IL1RAPL1: variants seen among roughly 807,000 people sequenced by gnomAD.
IL1RAPL1 encodes interleukin-1 receptor accessory protein-like 1.
IL1RAPL1 carries 3 observed loss-of-function variants against 48.4 expected under a neutral mutation model. That is an observed-to-expected ratio of 0.06 (90% CI 0.03 to 0.16). The LOEUF is 0.16. Among genes scored for constraint, IL1RAPL1 ranks in the 10% least tolerant of loss-of-function variants. The pLI, the probability that IL1RAPL1 is intolerant of heterozygous loss-of-function variation, is 1.00. For missense variants in IL1RAPL1, 349 were observed against 530.6 expected (o/e 0.66, Z 3.36); for synonymous variants, 185 against 187.7 (o/e 0.99, Z 0.12).
intron 5 of IL1RAPL1, among the ~76,000 whole-genome samples, chrX:29,645,634 A>C (rs995882210): frequency 1.8e-5 from 2 of 111,738 alleles, no homozygotes; most frequent in Non-Finnish European, 3.8e-5. Flanking sequence ...CATTGTGGCC[A>C]GCTGACTACA....
At chrX:29,865,751 C>T (rs1222217854) in intron 6 of IL1RAPL1, among the ~76,000 whole-genome samples, 1 of 105,242 alleles carries the variant, frequency 9.5e-6, no homozygotes, top group African/African-American at 3.5e-5. Context: ...ATTCTCCTGC[C>T]TCAGCCTCTT....
chrX:29,631,307 G>A (rs958068753), intron 5 of IL1RAPL1, among the ~76,000 whole-genome samples: 7 of 111,564 alleles, frequency 6.3e-5, no homozygotes, highest in African/African-American at 2.3e-4. Context: ...GTTTCACTCT[G>A]TCACCCAGAC....
At chrX:28,896,460 G>A (rs1013782839) in intron 2 of IL1RAPL1, among the ~76,000 whole-genome samples, 2 of 111,593 alleles carry the variant, frequency 1.8e-5, no homozygotes, top group East Asian at 2.8e-4. Context: ...AACTGATTTG[G>A]GAGAGGTCGG....
chrX:29,680,029 G>A (rs1926403365), intron 6 of IL1RAPL1, among the ~76,000 whole-genome samples: 1 of 111,763 alleles, frequency 8.9e-6, no homozygotes, highest in Admixed American at 9.5e-5. Flanking sequence ...CAAATAGATG[G>A]CTCTTTCAAG....
chrX:29,917,231 G>A (rs763994653), intron 6 of IL1RAPL1, among the ~76,000 whole-genome samples: 1 of 112,199 alleles, frequency 8.9e-6, no homozygotes, highest in African/African-American at 3.2e-5. Flanking sequence ...TACAATAGCC[G>A]ACCAGTCCTC....
intron 2 of IL1RAPL1, among the ~76,000 whole-genome samples, chrX:29,159,788 G>A (rs760745543): frequency 6.3e-5 from 7 of 111,285 alleles, no homozygotes; most frequent in African/African-American, 9.8e-5. Flanking sequence ...GTGCAATGGC[G>A]CGATCCTCTG....
intron 2 of IL1RAPL1, among the ~76,000 whole-genome samples, chrX:28,901,882 C>G (rs1923083717): frequency 9.0e-6 from 1 of 111,638 alleles, no homozygotes; most frequent in African/African-American, 3.3e-5. Context: ...CAGGAATTTC[C>G]TTCATCTAAC....
intron 2 of IL1RAPL1, among the ~76,000 whole-genome samples, chrX:29,226,444 CTTTTTTT>C (rs57929074): frequency 2.1e-4 from 18 of 86,891 alleles, no homozygotes; most frequent in Non-Finnish European, 4.0e-4. Context: ...TTCTTTCTTT[CTTTTTTT>C]TTTTTTTTTT....
At chrX:29,422,369 T>TCAGCATG (rs1934300962) in intron 5 of IL1RAPL1, among the ~76,000 whole-genome samples, 4 of 111,224 alleles carry the variant, frequency 3.6e-5, no homozygotes, top group African/African-American at 1.3e-4. Context: ...GAGACTGCTT[T>TCAGCATG]TTCAGTTCAG....
At chrX:29,149,377 A>G (rs1190049751) in intron 2 of IL1RAPL1, among the ~76,000 whole-genome samples, 5 of 111,365 alleles carry the variant, frequency 4.5e-5, no homozygotes, top group African/African-American at 1.3e-4. Flanking sequence ...CAGGTGTCCA[A>G]TGACCTACCA....
chrX:28,655,118 A>G (rs1253132427), intron 1 of IL1RAPL1, among the ~76,000 whole-genome samples: 2 of 111,476 alleles, frequency 1.8e-5, no homozygotes, highest in Non-Finnish European at 3.8e-5. Flanking sequence ...CTTGGTCTAC[A>G]TGAAATGAAG....
intron 6 of IL1RAPL1, among the ~76,000 whole-genome samples, chrX:29,688,754 C>CTCTCTCTCTG (rs58405949): frequency 0.01 from 1,088 of 103,842 alleles, 26 homozygotes; most frequent in African/African-American, 0.039. Flanking sequence ...CTCTCTCTCT[C>CTCTCTCTCTG]TGTGTGTGTC....
chrX:28,894,840 G>A (rs967302450), intron 2 of IL1RAPL1, among the ~76,000 whole-genome samples: 1 of 111,259 alleles, frequency 9.0e-6, no homozygotes, highest in African/African-American at 3.3e-5. Context: ...GAGTTGTTTT[G>A]TAGAAGGGAT....
At chrX:29,416,997 T>G (rs1934225478) in intron 5 of IL1RAPL1, among the ~76,000 whole-genome samples, 1 of 111,739 alleles carries the variant, frequency 8.9e-6, no homozygotes, top group East Asian at 2.8e-4. Flanking sequence ...AAACATTAGG[T>G]TTTGATATGA....
Position 28,798,342 on chromosome X carries a change from A to C in IL1RAPL1, c.82+8917A>C, listed in dbSNP as rs1417146023. Among the ~76,000 whole-genome samples, 5 of 111,693 alleles carry C rather than the reference A, an allele frequency of 4.5e-5. No homozygotes were observed. In the Admixed American group the frequency reaches 4.8e-4, roughly 11 times the overall value. The stretch of plus-strand genomic sequence containing the variant: ...TCAGTATCTTACTGATGTTTTAACA[A>C]ATTGCTACAAATATAGTGACTTAAA... On this transcript the variant is annotated intron_variant, in intron 2 of 10. Coordinates refer to ENST00000378993, the MANE Select transcript of IL1RAPL1 (RefSeq NM_014271.4).
chrX:28,706,402 CCTTT>C (rs777457146), intron 1 of IL1RAPL1, among the ~76,000 whole-genome samples: 335 of 108,644 alleles, frequency 3.1e-3, no homozygotes, highest in African/African-American at 9.7e-3. Context: ...TCTTTTTCTT[CCTTT>C]CTTTCTTTCT....
rs138297809 is a variant in IL1RAPL1 at position 29,111,030 on chromosome X, C to A, written c.83-171908C>A. Among the ~76,000 whole-genome samples the A allele has an allele frequency of 2.3e-4, 25 of 110,826 alleles. No individual in the cohort carries two copies. In the East Asian group the frequency reaches 6.8e-3, roughly 30 times the overall value. On this transcript the variant is annotated intron_variant, in intron 2 of 10. Coordinates refer to ENST00000378993, the MANE Select transcript of IL1RAPL1 (RefSeq NM_014271.4). ...AAAAAGGTATTTTGTTTGAAAGATT[C>A]TTTTGTAACTCACTTTAAAAATTTT... is the stretch of plus-strand genomic sequence containing the variant.
intron 3 of IL1RAPL1, among the ~76,000 whole-genome samples, chrX:29,294,674 A>G (rs1194456681): frequency 9.0e-6 from 1 of 111,674 alleles, no homozygotes; most frequent in Non-Finnish European, 1.9e-5. Context: ...AACTTTACTT[A>G]CACAGACAGG....
intron 1 of IL1RAPL1, among the ~76,000 whole-genome samples, chrX:28,674,040 G>T (rs867354212): frequency 2.7e-5 from 3 of 111,875 alleles, no homozygotes; most frequent in Non-Finnish European, 5.6e-5. Flanking sequence ...CATTGTATTA[G>T]ATTAACACTG....
Sources: gnomAD v4.1 joint callset for allele counts (sites outside exome capture counted in the v4.1 genomes callset) on GRCh38, gnomAD v4.1.1 for gene constraint, MANE v1.5 for transcripts, NCBI Gene and HGNC (gene_info 2026-07-23, HGNC 2026-07-21) for gene names.